TRIM37: variants seen among roughly 807,000 people sequenced by gnomAD.
TRIM37 encodes the protein E3 ubiquitin-protein ligase TRIM37.
A neutral mutation model predicts 129.8 loss-of-function variants in TRIM37; 80 were observed. The observed-to-expected ratio is 0.62, with a 90% CI of 0.51 to 0.74. The LOEUF is 0.74. Among genes scored for constraint, TRIM37 ranks in the 30% least tolerant of loss-of-function variants. The pLI is 0.00. For missense variants in TRIM37, 1,054 were observed against 1,176.5 expected, an observed-to-expected ratio of 0.90 and a Z score of 1.52; for synonymous variants, 389 against 387.1, an observed-to-expected ratio of 1.00 and a Z score of -0.06.
At chr17:59,073,033 A>AT (rs1160249187) in intron 8 of TRIM37, 1 of 152,214 alleles carries the variant, frequency 6.6e-6, no homozygotes, top group East Asian at 1.9e-4. Context: ...ATCACTGTGT[A>AT]TATGTACATA....
chr17:58,981,159 G>A, downstream of TRIM37: 1 of 673,328 alleles, frequency 1.5e-6, no homozygotes, highest in Non-Finnish European at 2.4e-6. Context: ...ATTCTTAAAT[G>A]TAAATAGATC....
intron 14 of TRIM37, among the ~76,000 whole-genome samples, chr17:59,049,973 A>T (rs1469780763): frequency 6.6e-6 from 1 of 152,230 alleles, no homozygotes; most frequent in South Asian, 2.1e-4. Context: ...TAGCACATTT[A>T]ACATGAAAAT....
chr17:58,972,678 G>T, the TRIM37 span, among the ~76,000 whole-genome samples: 1 of 152,132 alleles, frequency 6.6e-6, no homozygotes, highest in Non-Finnish European at 1.5e-5. Context: ...TACAATTATT[G>T]CTATCACATC....
chr17:59,009,380 G>A (rs767466189), intron 22 of TRIM37, among the ~76,000 whole-genome samples: 2 of 151,588 alleles, frequency 1.3e-5, no homozygotes, highest in Non-Finnish European at 2.9e-5. Context: ...TGCCCACCTC[G>A]GCCTTCCCAA....
At chr17:59,094,396 C>T (rs1420168754) in intron 2 of TRIM37, among the ~76,000 whole-genome samples, 1 of 151,960 alleles carries the variant, frequency 6.6e-6, no homozygotes, top group Non-Finnish European at 1.5e-5. Flanking sequence ...AAATTATTTT[C>T]TCTCCTTCAT....
At chr17:59,040,185 C>T (rs1360227577) in intron 17 of TRIM37, among the ~76,000 whole-genome samples, 1 of 151,994 alleles carries the variant, frequency 6.6e-6, no homozygotes, top group Non-Finnish European at 1.5e-5. Flanking sequence ...AGATTACAGG[C>T]GTGAGTCACC....
At chr17:59,038,544 T>C (rs898466470) in intron 17 of TRIM37, among the ~76,000 whole-genome samples, 1 of 152,174 alleles carries the variant, frequency 6.6e-6, no homozygotes, top group African/African-American at 2.4e-5. Flanking sequence ...CAATATTGTA[T>C]CTCTAGATAG....
intron 7 of TRIM37, among the ~76,000 whole-genome samples, chr17:59,077,267 CTT>C (rs757122066): frequency 9.6e-5 from 12 of 124,408 alleles, no homozygotes; most frequent in Non-Finnish European, 1.6e-4. Flanking sequence ...GCTAATTTTT[CTT>C]TTTTTTTTTT....
chr17:59,088,543 C>T, intron 3 of TRIM37, 136 bp from the exon 4 acceptor site: 2 of 676,718 alleles, frequency 3.0e-6, no homozygotes, highest in Non-Finnish European at 5.3e-6. Context: ...AGATGAGTCT[C>T]ACTCTATGAC....
the TRIM37 span, among the ~76,000 whole-genome samples, chr17:58,971,671 A>G: frequency 1.3e-5 from 2 of 152,196 alleles, no homozygotes; most frequent in African/African-American, 4.8e-5. Flanking sequence ...GATGTTTTAT[A>G]TATCATTTTA....
At chr17:59,041,698 C>T in intron 17 of TRIM37, 115 bp downstream of exon 17, 1 of 767,616 alleles carries the variant, frequency 1.3e-6, no homozygotes, top group Admixed American at 2.0e-5. Context: ...TATACCACTT[C>T]CAACACCATG....
At chr17:59,083,245 G>A (rs531364569) in intron 5 of TRIM37, among the ~76,000 whole-genome samples, 2 of 152,246 alleles carry the variant, frequency 1.3e-5, no homozygotes, top group South Asian at 4.1e-4. Context: ...AGACCAGCCT[G>A]ACCAACATGG....
At chr17:58,999,590 A>C in intron 23 of TRIM37, 131 bp from the exon 24 acceptor site, 1 of 754,082 alleles carries the variant, frequency 1.3e-6, no homozygotes, top group Non-Finnish European at 2.1e-6. Context: ...TGGGTTGTGA[A>C]CAAATCTCTG....
chr17:59,021,771 T>C (rs2036631645), intron 19 of TRIM37, among the ~76,000 whole-genome samples: 1 of 152,108 alleles, frequency 6.6e-6, no homozygotes, highest in African/African-American at 2.4e-5. Context: ...AAGAGTACAA[T>C]TGGATTGTTT....
chr17:59,106,879 G>A lies in TRIM37; in HGVS notation c.-418C>T. ...TGGGGGCGCGGCGGCGAGAGAAGCT[G>A]CGAAGCGCATGCGCGCAGGACGCTG... On this transcript the variant is annotated 5_prime_UTR_variant, in exon 1 of 24. Transcript: ENST00000262294. 1 of 317,810 alleles carries A rather than the reference G, an allele frequency of 3.1e-6. No individual in the cohort carries two copies. Among genetic ancestry groups the A allele is most frequent in the Non-Finnish European group, 5.9e-6 (1 of 169,898 alleles). 19.7% of individuals were successfully genotyped at this position (317,810 alleles called of 1,614,324 possible). A position where few individuals can be genotyped will look rare whatever the true frequency, so the allele number is the denominator to read the frequency against.
chr17:59,058,684 C>T (rs1408915878), intron 12 of TRIM37, among the ~76,000 whole-genome samples: 2 of 151,986 alleles, frequency 1.3e-5, no homozygotes, highest in Non-Finnish European at 2.9e-5. Context: ...ATGGCGAAAC[C>T]CCGTCTCCAT....
chr17:59,002,912 G>A (rs1048166416), intron 22 of TRIM37, among the ~76,000 whole-genome samples: 3 of 152,070 alleles, frequency 2.0e-5, no homozygotes, highest in South Asian at 4.2e-4. Context: ...CTTGAGACAG[G>A]GTCTCACTCT....
intron 19 of TRIM37, 143 bp from the exon 20 acceptor site, chr17:59,017,567 C>A: frequency 8.7e-7 from 1 of 1,145,360 alleles, no homozygotes; most frequent in Non-Finnish European, 1.3e-6. Flanking sequence ...TCTGTAGCCC[C>A]AATTGGTTTA....
Position 58,998,643 on chromosome 17 carries a change from G to A in TRIM37, c.*734C>T. ...ATATTTGTTGCACTACAGTCGTATA[G>A]TAAGAGGCAGAAAAAAATGAAAGAA... On this transcript the variant is annotated 3_prime_UTR_variant, in exon 24 of 24. Coordinates refer to ENST00000262294, the MANE Select transcript of TRIM37 (RefSeq NM_015294.6). The A allele has an allele frequency of 1.0e-6, 1 of 985,332 alleles. No individual in the cohort carries two copies. The highest frequency in any genetic ancestry group is 1.2e-6 in the Non-Finnish European group (1 of 829,852). 61.0% of individuals were successfully genotyped at this position (985,332 alleles called of 1,614,324 possible).
Sources: gnomAD v4.1 joint callset for allele counts (sites outside exome capture counted in the v4.1 genomes callset) on GRCh38, gnomAD v4.1.1 for gene constraint, MANE v1.5 for transcripts, NCBI Gene and HGNC (gene_info 2026-07-23, HGNC 2026-07-21) for gene names.